Variants in PLEKHG5 observed in about 807,000 individuals in gnomAD.
PLEKHG5 encodes the protein pleckstrin homology domain-containing family G member 5.
PLEKHG5 carries 52 observed loss-of-function variants against 103.8 expected under a neutral mutation model. The ratio of observed to expected loss-of-function variants is 0.50; its 90% CI spans 0.40 to 0.63. The LOEUF (loss-of-function observed/expected upper bound fraction) is 0.63. PLEKHG5 is among the 30% of genes least tolerant of loss of function. The pLI is 0.00. For synonymous variants in PLEKHG5, 592 were observed against 575.5 expected, an observed-to-expected ratio of 1.03 and a Z score of -0.41; for missense variants, 1,205 against 1,347.6, an observed-to-expected ratio of 0.89 and a Z score of 1.66.
At chr1:6,496,529 C>G, upstream of PLEKHG5, 1 of 1,603,614 alleles carries the variant, frequency 6.2e-7, no homozygotes, top group East Asian at 2.3e-5. Flanking sequence ...AGGCGGGGTT[C>G]TGACAGCGCA....
At position 6,470,848 on chromosome 1, in the gene PLEKHG5, G is replaced by A; in HGVS notation, c.1429C>T (p.Leu477=). 3.2e-6 allele frequency: 5 copies of A among 1,577,192 alleles called. No individual in the cohort carries two copies. Among genetic ancestry groups the A allele is most frequent in the Non-Finnish European group, 4.3e-6 (5 of 1,161,490 alleles). The change falls in exon 14 of 21, where the codon CTG becomes TTG. Residue 477 remains leucine (L), a synonymous_variant. Transcript: ENST00000377728. ...EKHPQCQRLK[L]SDMLAKPHQR... ...TGGGGTTTGGCCAGCATGTCGCTCA[G>A]CTTCAGCCTCTGGCACTGTGGGTGC... is the stretch of plus-strand genomic sequence containing the variant.
upstream of PLEKHG5, among the ~76,000 whole-genome samples, chr1:6,494,350 C>T (rs778148127): frequency 2.6e-5 from 4 of 151,760 alleles, no homozygotes; most frequent in Admixed American, 6.6e-5. Flanking sequence ...AGGCTGGTCT[C>T]GAACTCCTGA....
chr1:6,490,433 C>A lies in PLEKHG5; in HGVS notation c.-88+1204G>T. 5.1e-6 allele frequency: 5 copies of A among 985,246 alleles called. No homozygotes were observed. Among genetic ancestry groups the A allele is most frequent in the Non-Finnish European group, 6.0e-6 (5 of 829,808 alleles). 61.0% of individuals were successfully genotyped at this position (985,246 alleles called of 1,614,324 possible). ...CCGTCCGGAGCGCAGCTCCCACTTCCCCGCGACTCACCTAGGAACAGGACC... is the reference window on the plus strand; with the variant it reads ...CCGTCCGGAGCGCAGCTCCCACTTCACCGCGACTCACCTAGGAACAGGACC... On this transcript the variant is annotated intron_variant, in intron 1 of 20. Coordinates refer to ENST00000377728, the MANE Select transcript of PLEKHG5 (RefSeq NM_020631.6). This position sits in a 1 kb window ranked among gnomAD's most constrained non-coding sequence, Gnocchi z 8.0.
At chr1:6,476,192 T>C (rs1644762151) in intron 2 of PLEKHG5, among the ~76,000 whole-genome samples, 156 bp from the exon 3 acceptor site, 1 of 152,208 alleles carries the variant, frequency 6.6e-6, no homozygotes, top group South Asian at 2.1e-4. Flanking sequence ...TCAGTCATTG[T>C]TTTTTGTTTT....
intron 1 of PLEKHG5, among the ~76,000 whole-genome samples, chr1:6,518,560 A>C (rs1157326666): frequency 5.3e-5 from 6 of 114,016 alleles, no homozygotes; most frequent in African/African-American, 2.0e-4. Context: ...ACTCCATCCC[A>C]AAAAAAAAAA....
intron 1 of PLEKHG5, among the ~76,000 whole-genome samples, chr1:6,489,827 G>A (rs778713543): frequency 5.3e-5 from 8 of 152,178 alleles, no homozygotes; most frequent in East Asian, 1.9e-4. Context: ...GTGTGTGCCC[G>A]GACCCCGGCT....
At position 6,491,452 on chromosome 1, in the gene PLEKHG5, C is replaced by G. The variant is rs1217495942; in HGVS notation, c.-88+185G>C. The stretch of plus-strand genomic sequence containing the variant: ...TACTTAGCCAAAACCCAGGAGTCCC[C>G]TTGCATTGTTTCTCTGGCCCTGCCC... On this transcript the variant is annotated intron_variant, in intron 1 of 20. Transcript: ENST00000377728. The surrounding 1 kb of genome is among the most constrained non-coding windows in gnomAD (Gnocchi z 4.1). 6.6e-6 allele frequency among the ~76,000 whole-genome samples: 1 copy of G among 152,200 alleles called. No individual in the cohort carries two copies. Among genetic ancestry groups the G allele is most frequent in the Non-Finnish European group, 1.5e-5 (1 of 68,032 alleles).
At position 6,468,166 on chromosome 1, in the gene PLEKHG5, G is replaced by A. The variant is rs1271066564; in HGVS notation, c.2670C>T (p.Gly890=). 1 of 1,567,640 alleles carries A rather than the reference G, an allele frequency of 6.4e-7. No homozygotes were observed. The highest frequency in any genetic ancestry group is 8.7e-7 in the Non-Finnish European group (1 of 1,155,716). The part of the protein sequence containing the change: ...ASLLQLLAGA[G]THGTPSAPSR... ...TGGGGGCAGAGGGTGTCCCATGGGT[G>A]CCAGCCCCTGCCAGCAGCTGGAGGA... Residue 890 remains glycine (G), a synonymous_variant, in exon 20 of 21, where the codon GGC becomes GGT. Coordinates refer to ENST00000377728, the MANE Select transcript of PLEKHG5 (RefSeq NM_020631.6).
rs1362675398 is a variant in PLEKHG5, at chr1:6,490,529, G to T, written c.-88+1108C>A. 1 of 985,226 alleles carries T rather than the reference G, an allele frequency of 1.0e-6. No individual in the cohort carries two copies. Among genetic ancestry groups the T allele is most frequent in the Non-Finnish European group, 1.2e-6 (1 of 829,862 alleles). 61.0% of individuals were successfully genotyped at this position (985,226 alleles called of 1,614,324 possible). ...CTGCCAAAGCCTCATGGGGCGCGCG[G>T]GGAGAGGGGGACGGGAGCCGCGGGA... On this transcript the variant is annotated intron_variant, in intron 1 of 20. Coordinates refer to ENST00000377728, the MANE Select transcript of PLEKHG5 (RefSeq NM_020631.6). The surrounding 1 kb of genome is among the most constrained non-coding windows in gnomAD (Gnocchi z 8.0).
intron 1 of PLEKHG5, among the ~76,000 whole-genome samples, chr1:6,506,830 C>T (rs1638338807): frequency 6.6e-6 from 1 of 152,186 alleles, no homozygotes; most frequent in Non-Finnish European, 1.5e-5. Flanking sequence ...GCTCTCTGGG[C>T]TCCCTTTCGG....
At chr1:6,497,149 G>A (rs796564102), upstream of PLEKHG5, 18 of 1,037,470 alleles carry the variant, frequency 1.7e-5, no homozygotes, top group African/African-American at 2.4e-4. The surrounding 1 kb of genome is among the most constrained non-coding windows in gnomAD (Gnocchi z 6.1). Context: ...GAGAAGCGGG[G>A]TGCTGCCGAG....
chr1:6,472,020 C>T (rs967910760), intron 10 of PLEKHG5, among the ~76,000 whole-genome samples: 5 of 152,208 alleles, frequency 3.3e-5, no homozygotes, highest in Non-Finnish European at 7.3e-5. Context: ...CTCCCGAGGT[C>T]ACACTGCCCT....
chr1:6,484,011 C>T (rs763799193), intron 1 of PLEKHG5, among the ~76,000 whole-genome samples: 2 of 152,226 alleles, frequency 1.3e-5, no homozygotes, highest in Non-Finnish European at 2.9e-5. Flanking sequence ...AAGCCCTGGT[C>T]TCACCGCAGG....
chr1:6,519,795 T>G, exon 1 of PLEKHG5: 1 of 534,598 alleles, frequency 1.9e-6, no homozygotes, highest in Non-Finnish European at 3.4e-6. Context: ...CCGCTCACAC[T>G]GCATTTCCTT....
chr1:6,517,821 G>A (rs1638664703), intron 1 of PLEKHG5, among the ~76,000 whole-genome samples: 1 of 152,232 alleles, frequency 6.6e-6, no homozygotes, highest in African/African-American at 2.4e-5. Context: ...CTATCCCGCT[G>A]GGGCCGGGAT....
At chr1:6,485,098 G>T (rs371880471) in intron 1 of PLEKHG5, among the ~76,000 whole-genome samples, 1 of 152,134 alleles carries the variant, frequency 6.6e-6, no homozygotes, top group African/African-American at 2.4e-5. Flanking sequence ...AAGAATTGGC[G>T]GGGACATCTC....
chr1:6,512,001 C>A (rs1270604095), intron 1 of PLEKHG5, among the ~76,000 whole-genome samples: 1 of 152,214 alleles, frequency 6.6e-6, no homozygotes, highest in Non-Finnish European at 1.5e-5. Context: ...ACAGCAGGGA[C>A]ACTAACATCT....
chr1:6,473,325 T>C lies in PLEKHG5; in HGVS notation c.721A>G (p.Ser241Gly). The change falls in exon 8 of 21, where the codon AGC (serine) becomes GGC (glycine). Residue 241 changes from serine to glycine, a missense_variant. Transcript: ENST00000377728. ...GSSGSTNTGDSWKNRAASRFS... is the reference protein window; with the variant it reads ...GSSGSTNTGDGWKNRAASRFS... ...CGACTGGCCGCCCGGTTCTTCCAGC[T>C]GTCGCCAGTGTTGGTGCTGCCACTG... is the stretch of plus-strand genomic sequence containing the variant. The C allele has an allele frequency of 1.3e-6, 2 of 1,562,684 alleles. No homozygotes were observed. The highest frequency in any genetic ancestry group is 1.7e-6 in the Non-Finnish European group (2 of 1,154,582).
upstream of PLEKHG5, chr1:6,497,300 G>A: frequency 9.3e-7 from 1 of 1,072,464 alleles, no homozygotes; most frequent in Non-Finnish European, 1.3e-6. This position sits in a 1 kb window ranked among gnomAD's most constrained non-coding sequence, Gnocchi z 6.1. Flanking sequence ...CGCGTCCGCC[G>A]GGTCCCCGCC....
Sources: gnomAD v4.1 joint callset for allele counts (sites outside exome capture counted in the v4.1 genomes callset) on GRCh38, gnomAD v4.1.1 for gene constraint, Gnocchi (gnomAD v3.1) non-coding constraint, MANE v1.5 for transcripts, NCBI Gene and HGNC (gene_info 2026-07-23, HGNC 2026-07-21) for gene names.